Variants in LINGO2 observed in about 807,000 individuals in gnomAD.
LINGO2 encodes the protein leucine-rich repeat and immunoglobulin-like domain-containing nogo receptor-interacting protein 2.
LINGO2 carries 14 observed loss-of-function variants against 30.6 expected under a neutral mutation model. The observed-to-expected ratio is 0.46, with a 90% CI of 0.30 to 0.72. LINGO2 has a LOEUF of 0.72. LINGO2 is among the 30% of genes least tolerant of loss of function. LINGO2 has a pLI of 0.07. For synonymous variants in LINGO2, 317 were observed against 288.5 expected, an observed-to-expected ratio of 1.10 and a Z score of -1.00; for missense variants, 729 against 751.7, an observed-to-expected ratio of 0.97 and a Z score of 0.35.
At chr9:27,986,845 G>T (rs773758556) in intron 5 of LINGO2, among the ~76,000 whole-genome samples, 1 of 151,918 alleles carries the variant, frequency 6.6e-6, no homozygotes, top group Non-Finnish European at 1.5e-5. Flanking sequence ...ACAGAAAGGA[G>T]AAAGTACATG....
chr9:29,137,318 C>T, the LINGO2 span, among the ~76,000 whole-genome samples: 1 of 152,140 alleles, frequency 6.6e-6, no homozygotes, highest in African/African-American at 2.4e-5. Flanking sequence ...CACGTTTTTA[C>T]ATTTTATAAA....
the LINGO2 span, among the ~76,000 whole-genome samples, chr9:28,878,480 T>C: frequency 5.0e-4 from 76 of 152,202 alleles, no homozygotes; most frequent in African/African-American, 1.8e-3. Context: ...CCTCCCAAAC[T>C]CATTTTATGA....
At chr9:29,116,102 C>G in the LINGO2 span, among the ~76,000 whole-genome samples, 1 of 150,796 alleles carries the variant, frequency 6.6e-6, no homozygotes. Flanking sequence ...TAACGAATGA[C>G]TTAAGACACA....
chr9:29,152,072 A>C, the LINGO2 span, among the ~76,000 whole-genome samples: 1 of 152,198 alleles, frequency 6.6e-6, no homozygotes, highest in African/African-American at 2.4e-5. Flanking sequence ...CATGCTCAAC[A>C]TTATTAATCA....
the LINGO2 span, among the ~76,000 whole-genome samples, chr9:28,818,067 G>A: frequency 6.6e-6 from 1 of 152,244 alleles, no homozygotes; most frequent in African/African-American, 2.4e-5. Flanking sequence ...ATACTTTTTA[G>A]GAGTTAATCC....
In LINGO2 at chr9:28,651,855, C is replaced by T. The variant is rs551736856; in HGVS notation, c.-365+18345G>A. 2.2e-4 allele frequency among the ~76,000 whole-genome samples: 34 copies of T among 152,200 alleles called. No homozygotes were observed. The East Asian group carries it at 2.9e-3, about 13-fold the overall frequency. ...TTAATTCTTCTGCCTCTCCAACCTC[C>T]GACAATTCATCACCCCCTTAGCATA... On this transcript the variant is annotated intron_variant, in intron 1 of 5. Coordinates refer to ENST00000379992, the Ensembl canonical transcript of LINGO2.
At chr9:28,941,015 C>CA in the LINGO2 span, among the ~76,000 whole-genome samples, 10 of 147,408 alleles carry the variant, frequency 6.8e-5, no homozygotes, top group South Asian at 2.1e-4. Flanking sequence ...TTTCTCTCCA[C>CA]AAAAAAAAAT....
Position 28,207,872 on chromosome 9 carries a change from T to A in LINGO2, c.-87+87336A>T, listed in dbSNP as rs781126018. 1.8e-3 allele frequency among the ~76,000 whole-genome samples: 259 copies of A among 147,532 alleles called. 1 individual carries two copies. Among genetic ancestry groups the A allele is most frequent in the Admixed American group, 3.1e-3 (46 of 14,882 alleles). ...TGAAAACTGAAAGAGAAAGAGGGTG[T>A]TTTTTTTTTAAATGTTTTGCATGAA... On this transcript the variant is annotated intron_variant, in intron 4 of 5. Transcript: ENST00000379992.
intron 5 of LINGO2, among the ~76,000 whole-genome samples, chr9:28,009,384 C>CA (rs972721984): frequency 3.3e-5 from 5 of 149,890 alleles, no homozygotes; most frequent in African/African-American, 9.8e-5. Flanking sequence ...TGGGCTCTAT[C>CA]AAAATGAAAA....
intron 3 of LINGO2, among the ~76,000 whole-genome samples, chr9:28,303,879 C>T (rs147412061): frequency 4.3e-4 from 66 of 152,080 alleles, no homozygotes; most frequent in Non-Finnish European, 8.4e-4. Context: ...AACCAACACA[C>T]TGGGTATAAC....
chr9:28,315,430 C>G (rs2134275889), intron 3 of LINGO2, among the ~76,000 whole-genome samples: 1 of 151,694 alleles, frequency 6.6e-6, no homozygotes, highest in African/African-American at 2.4e-5. Flanking sequence ...ATGACACACT[C>G]TTGGTCTGAT....
At chr9:28,830,314 G>T in the LINGO2 span, among the ~76,000 whole-genome samples, 498 of 152,266 alleles carry the variant, frequency 3.3e-3, 1 homozygote, top group African/African-American at 0.011. Context: ...AGCCCTGGAT[G>T]AGTGGGGTGG....
At chr9:27,946,374 T>C (rs923943498), downstream of LINGO2, among the ~76,000 whole-genome samples, 1 of 152,120 alleles carries the variant, frequency 6.6e-6, no homozygotes, top group Admixed American at 6.6e-5. Context: ...GAAAATCCAT[T>C]CTCTTTTCTT....
At chr9:29,093,029 GTA>G in the LINGO2 span, among the ~76,000 whole-genome samples, 79,611 of 98,486 alleles carry the variant, frequency 0.81, 34,229 homozygotes, top group East Asian at 0.9. Flanking sequence ...TAATGTGTGT[GTA>G]TATATATATA....
At chr9:28,215,495 A>T (rs1272715091) in intron 4 of LINGO2, among the ~76,000 whole-genome samples, 2 of 151,878 alleles carry the variant, frequency 1.3e-5, no homozygotes, top group Admixed American at 6.6e-5. Flanking sequence ...TATTTTAAAA[A>T]AAGCATTCAT....
chr9:28,339,190 T>C (rs973686685), intron 3 of LINGO2, among the ~76,000 whole-genome samples: 19 of 144,428 alleles, frequency 1.3e-4, no homozygotes, highest in Non-Finnish European at 2.1e-4. Flanking sequence ...AGTTATATTA[T>C]CAATGATCTT....
chr9:28,537,141 T>C (rs931212941), intron 1 of LINGO2, among the ~76,000 whole-genome samples: 5 of 151,844 alleles, frequency 3.3e-5, no homozygotes, highest in African/African-American at 1.2e-4. Flanking sequence ...CACCAGAAGG[T>C]ACGAAAGAAG....
chr9:29,170,212 A>G, the LINGO2 span, among the ~76,000 whole-genome samples: 1 of 152,194 alleles, frequency 6.6e-6, no homozygotes. Flanking sequence ...AGTGTCCATC[A>G]ATGGACTGGA....
intron 2 of LINGO2, among the ~76,000 whole-genome samples, chr9:28,431,461 A>T (rs1330106989): frequency 6.6e-6 from 1 of 152,236 alleles, no homozygotes; most frequent in African/African-American, 2.4e-5. Context: ...ATTGGAAATG[A>T]TTGATCTATA....
Sources: gnomAD v4.1 joint callset for allele counts (sites outside exome capture counted in the v4.1 genomes callset) on GRCh38, gnomAD v4.1.1 for gene constraint, MANE v1.5 for transcripts, NCBI Gene and HGNC (gene_info 2026-07-23, HGNC 2026-07-21) for gene names.